The following CNTN5 variants were observed in gnomAD, a reference collection of about 807,000 sequenced individuals.
CNTN5 encodes contactin-5.
CNTN5 carries 77 observed loss-of-function variants against 129.1 expected under a neutral mutation model. The ratio of observed to expected loss-of-function variants is 0.60; its 90% CI spans 0.50 to 0.72. CNTN5 has a LOEUF of 0.72. Among genes scored for constraint, CNTN5 ranks in the 30% least tolerant of loss-of-function variants. The probability of loss-of-function intolerance (pLI) is 0.00; values close to 1 mark genes in which losing one functional copy is unlikely to be tolerated. For missense variants in CNTN5, 1,478 were observed against 1,328.8 expected, an observed-to-expected ratio of 1.11 and a Z score of -1.75; for synonymous variants, 509 against 465.6, an observed-to-expected ratio of 1.09 and a Z score of -1.20.
intron 3 of CNTN5, among the ~76,000 whole-genome samples, chr11:99,788,743 T>C (rs2135423861): frequency 6.6e-6 from 1 of 152,036 alleles, no homozygotes; most frequent in East Asian, 1.9e-4. Flanking sequence ...CTCCATCACC[T>C]CTTGGCCAGA....
chr11:100,187,136 T>C (rs894087412), intron 13 of CNTN5, among the ~76,000 whole-genome samples: 2 of 152,188 alleles, frequency 1.3e-5, no homozygotes, highest in Non-Finnish European at 2.9e-5. Context: ...TAGTCCTAGG[T>C]ATTTTAATTT....
intron 21 of CNTN5, among the ~76,000 whole-genome samples, chr11:100,318,233 T>A: frequency 7.7e-6 from 1 of 130,250 alleles, no homozygotes; most frequent in East Asian, 2.6e-4. Context: ...AGAGCGAGAC[T>A]CTGTCTCAGA....
At chr11:99,212,688 G>T in intron 1 of CNTN5, among the ~76,000 whole-genome samples, 1 of 151,878 alleles carries the variant, frequency 6.6e-6, no homozygotes, top group East Asian at 1.9e-4. Flanking sequence ...ATGTTATTTA[G>T]GGGAATTCTG....
At chr11:99,456,927 A>G (rs1052487029) in intron 2 of CNTN5, among the ~76,000 whole-genome samples, 3 of 152,034 alleles carry the variant, frequency 2.0e-5, no homozygotes, top group African/African-American at 7.2e-5. Flanking sequence ...CATTTTGTGT[A>G]TTGAACAAAT....
At chr11:99,615,030 T>TAC (rs1237572357) in intron 3 of CNTN5, among the ~76,000 whole-genome samples, 1 of 148,758 alleles carries the variant, frequency 6.7e-6, no homozygotes, top group African/African-American at 2.4e-5. Flanking sequence ...TTATTATATA[T>TAC]ACCTATTATA....
At chr11:99,980,619 T>C (rs1938272637) in intron 8 of CNTN5, among the ~76,000 whole-genome samples, 1 of 152,208 alleles carries the variant, frequency 6.6e-6, no homozygotes, top group Non-Finnish European at 1.5e-5. Context: ...GTACGTATTT[T>C]GCAGTCCATT....
chr11:99,975,691 G>A (rs1014105592), intron 8 of CNTN5, among the ~76,000 whole-genome samples: 2 of 152,056 alleles, frequency 1.3e-5, no homozygotes, highest in Admixed American at 6.6e-5. Flanking sequence ...CAGATCTCAT[G>A]AGAACTCTAC....
intron 3 of CNTN5, among the ~76,000 whole-genome samples, chr11:99,682,527 A>G (rs891634208): frequency 1.3e-5 from 2 of 152,004 alleles, no homozygotes; most frequent in Non-Finnish European, 2.9e-5. Flanking sequence ...GTAATTTTTT[A>G]AAAGGAGACA....
chr11:99,740,805 A>G (rs1206178867), intron 3 of CNTN5, among the ~76,000 whole-genome samples: 1 of 152,180 alleles, frequency 6.6e-6, no homozygotes, highest in African/African-American at 2.4e-5. Flanking sequence ...AGCATTCATT[A>G]TAGATAATCT....
At chr11:99,917,943 C>G (rs916946547) in intron 7 of CNTN5, among the ~76,000 whole-genome samples, 2 of 152,084 alleles carry the variant, frequency 1.3e-5, no homozygotes, top group Non-Finnish European at 2.9e-5. Context: ...TACATCCGAA[C>G]TCATCTGCTT....
intron 3 of CNTN5, among the ~76,000 whole-genome samples, chr11:99,701,715 A>G (rs926039994): frequency 6.6e-6 from 1 of 150,980 alleles, no homozygotes; most frequent in Non-Finnish European, 1.5e-5. Flanking sequence ...CCTATAATAA[A>G]CCTGTACTGC....
chr11:99,204,941 G>A (rs1056837224), intron 1 of CNTN5, among the ~76,000 whole-genome samples: 3 of 152,252 alleles, frequency 2.0e-5, no homozygotes, highest in Non-Finnish European at 4.4e-5. Context: ...AGAAAATATT[G>A]ATCCGAGTGT....
intron 6 of CNTN5, among the ~76,000 whole-genome samples, chr11:99,848,927 A>T (rs1412340156): frequency 6.6e-6 from 1 of 152,134 alleles, no homozygotes; most frequent in Non-Finnish European, 1.5e-5. Context: ...TTGGTGATTA[A>T]CCATTATTAT....
intron 13 of CNTN5, among the ~76,000 whole-genome samples, chr11:100,175,394 T>C (rs1042453159): frequency 7.2e-5 from 11 of 152,126 alleles, no homozygotes; most frequent in Admixed American, 4.6e-4. Flanking sequence ...GCTTAATAAA[T>C]GTTATCGAAG....
intron 2 of CNTN5, among the ~76,000 whole-genome samples, chr11:99,371,616 C>A (rs1171668513): frequency 6.6e-6 from 1 of 151,718 alleles, no homozygotes; most frequent in Non-Finnish European, 1.5e-5. Flanking sequence ...CTTTGATATC[C>A]AATATTAAGG....
At chr11:100,159,690 T>C (rs894519837) in intron 13 of CNTN5, among the ~76,000 whole-genome samples, 4 of 151,928 alleles carry the variant, frequency 2.6e-5, no homozygotes. Context: ...GAAATGTGGG[T>C]GACAAAGGTC....
intron 1 of CNTN5, among the ~76,000 whole-genome samples, chr11:99,172,467 A>C (rs934660967): frequency 3.3e-5 from 5 of 152,180 alleles, no homozygotes; most frequent in African/African-American, 1.2e-4. Context: ...AATATTTTTT[A>C]TTGAGACATC....
chr11:99,374,578 A>C (rs769125191), intron 2 of CNTN5, among the ~76,000 whole-genome samples: 158 of 152,170 alleles, frequency 1.0e-3, no homozygotes, highest in Non-Finnish European at 7.1e-4. Flanking sequence ...CAGCTACTCC[A>C]GAGGCTGAGG....
At chr11:100,234,160 A>G (rs1352476041) in intron 16 of CNTN5, among the ~76,000 whole-genome samples, 1 of 152,180 alleles carries the variant, frequency 6.6e-6, no homozygotes, top group Non-Finnish European at 1.5e-5. Flanking sequence ...GCTGGAGAGG[A>G]TATGGAGAAA....
Sources: gnomAD v4.1 joint callset for allele counts (sites outside exome capture counted in the v4.1 genomes callset) on GRCh38, gnomAD v4.1.1 for gene constraint, MANE v1.5 for transcripts, NCBI Gene and HGNC (gene_info 2026-07-23, HGNC 2026-07-21) for gene names.